The following FAM217B variants were observed in gnomAD, a reference collection of about 807,000 sequenced individuals.
FAM217B encodes family with sequence similarity 217 member B.
For missense variants in FAM217B, 463 were observed against 456.9 expected, an observed-to-expected ratio of 1.01 and a Z score of -0.12; for synonymous variants, 163 against 173.0, an observed-to-expected ratio of 0.94 and a Z score of 0.45.
At chr20:59,939,727 GGAT>G, upstream of FAM217B, 1 of 1,280,182 alleles carries the variant, frequency 7.8e-7, no homozygotes, top group Non-Finnish European at 9.8e-7. Flanking sequence ...GCCCGCCGCA[GGAT>G]GATGGGCCGC....
rs1427171638 is a variant in FAM217B at position 59,943,964 on chromosome 20, G to T, written c.21G>T (p.Trp7Cys). ...GCAATATGAATGCTGGCCCATCTTG[G>T]AATAAAGTGCAACATTCAAAGAATT... is the stretch of plus-strand genomic sequence containing the variant. MNAGPS[W>C]NKVQHSKNSS... Residue 7 changes from tryptophan (W) to cysteine (C), a missense_variant, in exon 4 of 4, where the codon TGG (tryptophan) becomes TGT (cysteine). By Grantham distance (215) the Trp-to-Cys change is radical (BLOSUM62 -2). Coordinates refer to ENST00000360816, the MANE Select transcript of FAM217B (RefSeq NM_022106.3). 6.2e-7 allele frequency: 1 copy of T among 1,604,254 alleles called. No individual in the cohort carries two copies. The highest frequency in any genetic ancestry group is 2.2e-5 in the East Asian group (1 of 44,832).
intron 3 of FAM217B, among the ~76,000 whole-genome samples, chr20:59,942,904 T>C (rs1405161447): frequency 6.6e-6 from 1 of 152,220 alleles, no homozygotes; most frequent in Non-Finnish European, 1.5e-5. Context: ...TCAACATTTA[T>C]TGAGCACACG....
upstream of FAM217B, chr20:59,939,411 C>T (rs142381631): frequency 1.3e-3 from 2,056 of 1,610,720 alleles, 1 homozygote; most frequent in Non-Finnish European, 1.5e-3. Context: ...CACGAGCTGC[C>T]GCTGCAGGCG....
upstream of FAM217B, chr20:59,940,003 T>C (rs2060890492): frequency 8.4e-7 from 1 of 1,192,590 alleles, no homozygotes; most frequent in Non-Finnish European, 1.1e-6. Context: ...GCTCCCTCCG[T>C]GCTCAGAAGC....
At chr20:59,943,892 C>T (rs1214723016) in intron 3 of FAM217B, 48 bp from the exon 4 acceptor site, 2 of 1,447,938 alleles carry the variant, frequency 1.4e-6, no homozygotes, top group Non-Finnish European at 1.9e-6. Flanking sequence ...TATAGCCAGA[C>T]CATTTTTTGT....
chr20:59,941,980 A>G (rs1473463839), intron 1 of FAM217B: 1 of 152,216 alleles, frequency 6.6e-6, no homozygotes, highest in Non-Finnish European at 1.5e-5. Flanking sequence ...TCCTGTCTCT[A>G]ATATCTACTG....
rs752289032 is a variant in FAM217B at position 59,944,857 on chromosome 20, G to A, written c.914G>A (p.Arg305His). ...KKSSKSTKLQ[R>H]WDLSGSGSSS... ...TCAAGTAAGAGTACGAAGCTGCAGC[G>A]CTGGGATCTGTCCGGCAGTGGAAGC... Residue 305 changes from arginine to histidine, a missense_variant, in exon 4 of 4, where the codon CGC (arginine) becomes CAC (histidine). Coordinates refer to ENST00000360816, the MANE Select transcript of FAM217B (RefSeq NM_022106.3). 1.2e-4 allele frequency: 196 copies of A among 1,614,054 alleles called. No individual in the cohort carries two copies. The highest frequency in any genetic ancestry group is 9.9e-4 in the Middle Eastern group (6 of 6,084).
At chr20:59,941,376 TTTTA>T (rs1273323907) in intron 1 of FAM217B, among the ~76,000 whole-genome samples, 2 of 152,238 alleles carry the variant, frequency 1.3e-5, no homozygotes, top group African/African-American at 2.4e-5. Flanking sequence ...GAGAGAATGA[TTTTA>T]TTTATCATTG....
rs183185571 is a variant in FAM217B at position 59,934,792 on chromosome 20, G to A, written c.-326+939G>A. ...ATATGGGATTAAGATTTAAATGTGC[G>A]GTGGAAAGCACCTGAAAAAAATAAA... On this transcript the variant is annotated intron_variant, in intron 1 of 4. Coordinates refer to the FAM217B transcript ENST00000358293. Among the ~76,000 whole-genome samples the A allele has an allele frequency of 2.1e-3, 320 of 152,116 alleles. 2 individuals are homozygous for A. The highest frequency in any genetic ancestry group is 7.3e-3 in the African/African-American group (301 of 41,498).
In FAM217B at chr20:59,944,743, C is replaced by G. The variant is rs1275695573; in HGVS notation, c.800C>G (p.Ser267Cys). The G allele has an allele frequency of 3.7e-6, 6 of 1,614,056 alleles. No individual in the cohort carries two copies. Among genetic ancestry groups the G allele is most frequent in the Non-Finnish European group, 5.1e-6 (6 of 1,180,038 alleles). The change falls in exon 4 of 4, where the codon TCC becomes TGC. Residue 267 changes from serine (S) to cysteine (C), a missense_variant. Coordinates refer to ENST00000360816, the MANE Select transcript of FAM217B (RefSeq NM_022106.3). ...CCATCACATTATGCATTTGAGACTT[C>G]CCCTAGACCCATTGATGTGCTTGGT... is the stretch of plus-strand genomic sequence containing the variant. Reference protein sequence around the residue: ...IHPSHYAFETSPRPIDVLGGT... With the variant: ...IHPSHYAFETCPRPIDVLGGT...
upstream of FAM217B, among the ~76,000 whole-genome samples, chr20:59,936,029 G>A (rs1025344004): frequency 1.2e-4 from 19 of 152,164 alleles, no homozygotes; most frequent in African/African-American, 4.1e-4. Flanking sequence ...ATATCTTAGC[G>A]TTTACTTACA....
chr20:59,947,807 T>C lies in FAM217B; in HGVS notation c.*2712T>C, dbSNP rs1331070747. ...TTTTATGATATCTGATATGCCTATC[T>C]AATACATCTTAATGCATTAAATGCT... On this transcript the variant is annotated 3_prime_UTR_variant, in exon 4 of 4. Transcript: ENST00000360816. 1 of 167,048 alleles carries C rather than the reference T, an allele frequency of 6.0e-6. No individual in the cohort carries two copies. Among genetic ancestry groups the C allele is most frequent in the Non-Finnish European group, 1.5e-5 (1 of 68,114 alleles). The allele number at this position is 167,048 out of a possible 1,614,324, so 10.3% of individuals were successfully genotyped here.
chr20:59,939,631 G>A (rs1289863371), upstream of FAM217B: 2 of 1,576,646 alleles, frequency 1.3e-6, no homozygotes, highest in Middle Eastern at 1.7e-4. Flanking sequence ...CGCACGCGGA[G>A]CTTCTGGCTG....
chr20:59,943,206 C>T (rs1027376463), intron 3 of FAM217B, among the ~76,000 whole-genome samples: 2 of 152,192 alleles, frequency 1.3e-5, no homozygotes, highest in African/African-American at 4.8e-5. Context: ...AGTTTCTATA[C>T]TCATAATGCA....
In FAM217B at chr20:59,944,242, C is replaced by G. The variant is rs771303298; in HGVS notation, c.299C>G (p.Ser100Trp). ...DEDSASDLSD[S>W]ERIPIPPSPL... ...GACAGTGCAAGTGATCTCTCTGATT[C>G]GGAAAGAATTCCCATTCCTCCTTCT... The change falls in exon 4 of 4, where the codon TCG becomes TGG. Residue 100 changes from serine (S) to tryptophan (W), a missense_variant. Transcript: ENST00000360816. The G allele has an allele frequency of 6.8e-6, 11 of 1,614,026 alleles. No individual in the cohort carries two copies. The highest frequency in any genetic ancestry group is 9.3e-6 in the Non-Finnish European group (11 of 1,180,040).
At chr20:59,940,160 C>T (rs1264928153), upstream of FAM217B, 2 of 397,768 alleles carry the variant, frequency 5.0e-6, no homozygotes, top group Admixed American at 4.5e-5. Context: ...GGGAGTTTTT[C>T]TCTAGTGGAA....
upstream of FAM217B, chr20:59,938,798 T>A: frequency 1.5e-4 from 48 of 328,424 alleles, no homozygotes; most frequent in East Asian, 3.0e-4. Context: ...CTGCCCCAAC[T>A]CATTACACAA....
chr20:59,939,152 T>C (rs1461021361), upstream of FAM217B: 3 of 1,611,484 alleles, frequency 1.9e-6, no homozygotes, highest in African/African-American at 4.0e-5. Flanking sequence ...CACCCGCCAC[T>C]TGGTAGCGCA....
At chr20:59,939,777 G>A (rs2060888431), upstream of FAM217B, 6 of 1,223,716 alleles carry the variant, frequency 4.9e-6, no homozygotes, top group Admixed American at 1.7e-4. Flanking sequence ...TGGCGTTGGC[G>A]GCGGCGCGCG....
Sources: gnomAD v4.1 joint callset for allele counts (sites outside exome capture counted in the v4.1 genomes callset) on GRCh38, gnomAD v4.1.1 for gene constraint, MANE v1.5 for transcripts, NCBI Gene and HGNC (gene_info 2026-07-23, HGNC 2026-07-21) for gene names.